INPP4B: variants seen among roughly 807,000 people sequenced by gnomAD.
The protein encoded by INPP4B is inositol polyphosphate 4-phosphatase type II.
Under a neutral mutation model 122.5 loss-of-function variants are expected in INPP4B, and 55 were observed. That is an observed-to-expected ratio of 0.45 (90% CI 0.36 to 0.56). The LOEUF is 0.56. Among genes scored for constraint, INPP4B ranks in the 20% least tolerant of loss-of-function variants. INPP4B has a pLI of 0.00. For synonymous variants in INPP4B, 403 were observed against 388.7 expected, an observed-to-expected ratio of 1.04 and a Z score of -0.43; for missense variants, 1,000 against 1,097.7, an observed-to-expected ratio of 0.91 and a Z score of 1.26.
At chr4:142,433,200 C>G (rs1350876644) in intron 3 of INPP4B, among the ~76,000 whole-genome samples, 1 of 152,134 alleles carries the variant, frequency 6.6e-6, no homozygotes, top group Non-Finnish European at 1.5e-5. Flanking sequence ...AAGAAAGTAA[C>G]TGCATTTTTA....
At chr4:142,613,706 G>A (rs1422323921) in intron 2 of INPP4B, among the ~76,000 whole-genome samples, 2 of 152,138 alleles carry the variant, frequency 1.3e-5, no homozygotes, top group Admixed American at 6.5e-5. Context: ...AATAACAAAT[G>A]GAGAATGTAA....
At chr4:142,362,903 G>C (rs1785989779) in intron 7 of INPP4B, among the ~76,000 whole-genome samples, 1 of 152,002 alleles carries the variant, frequency 6.6e-6, no homozygotes, top group Non-Finnish European at 1.5e-5. Flanking sequence ...CACTATTTGG[G>C]TGACGGAATC....
chr4:142,342,344 T>G (rs1778963450), intron 7 of INPP4B, among the ~76,000 whole-genome samples: 1 of 152,192 alleles, frequency 6.6e-6, no homozygotes, highest in Admixed American at 6.5e-5. Context: ...AATAGAGTAC[T>G]GGTTAACCAC....
intron 1 of INPP4B, among the ~76,000 whole-genome samples, chr4:142,815,727 T>C (rs1199271003): frequency 1.3e-5 from 2 of 152,178 alleles, no homozygotes; most frequent in Non-Finnish European, 1.5e-5. Flanking sequence ...TATAAGTATT[T>C]GCCTCATTCT....
intron 8 of INPP4B, among the ~76,000 whole-genome samples, chr4:142,308,155 T>C (rs1164831598): frequency 6.6e-6 from 1 of 152,184 alleles, no homozygotes; most frequent in Non-Finnish European, 1.5e-5. Context: ...TGTGAGTGCA[T>C]ACAGTGTGCC....
intron 17 of INPP4B, among the ~76,000 whole-genome samples, chr4:142,154,128 G>A (rs1004348493): frequency 1.3e-5 from 2 of 151,954 alleles, no homozygotes; most frequent in African/African-American, 4.8e-5. Context: ...CTTTCTGATG[G>A]TGAGAGTGAA....
intron 12 of INPP4B, 82 bp from the exon 13 acceptor site, chr4:142,209,108 T>C: frequency 2.1e-6 from 2 of 948,726 alleles, no homozygotes; most frequent in Non-Finnish European, 3.0e-6. Flanking sequence ...GTTGTCAAGA[T>C]AATAAGAAAT....
At chr4:142,518,016 A>C (rs1825626714) in intron 2 of INPP4B, among the ~76,000 whole-genome samples, 1 of 152,198 alleles carries the variant, frequency 6.6e-6, no homozygotes, top group Non-Finnish European at 1.5e-5. Context: ...AAGGTCTTAA[A>C]ATGTAGGAGC....
At chr4:142,462,018 C>T (rs1384970817) in intron 3 of INPP4B, among the ~76,000 whole-genome samples, 1 of 152,128 alleles carries the variant, frequency 6.6e-6, no homozygotes, top group Non-Finnish European at 1.5e-5. Context: ...TCTGTCTTCC[C>T]TTCTGTGACT....
At chr4:142,136,093 G>C (rs143295288) in intron 18 of INPP4B, among the ~76,000 whole-genome samples, 1 of 152,158 alleles carries the variant, frequency 6.6e-6, no homozygotes. Context: ...CACCGTGCCC[G>C]GAGGGTGCTT....
rs993052186 is a variant in INPP4B, at chr4:142,725,905, C to T, written c.-253-4G>A. On this transcript the variant is annotated splice_polypyrimidine_tract_variant and splice_region_variant and intron_variant, in intron 1 of 25. Coordinates refer to ENST00000262992, the MANE Select transcript of INPP4B (RefSeq NM_001101669.3). ...GGTAACACCATTTCTTTGTATTCTACGGGAAAAGAGAAAGAAGATTAATAA... is the reference window on the plus strand; with the variant it reads ...GGTAACACCATTTCTTTGTATTCTATGGGAAAAGAGAAAGAAGATTAATAA... 2.0e-5 allele frequency: 8 copies of T among 397,712 alleles called. No individual in the cohort carries two copies. Among genetic ancestry groups the T allele is most frequent in the South Asian group, 1.3e-4 (1 of 7,848 alleles). 24.6% of individuals were successfully genotyped at this position (397,712 alleles called of 1,614,324 possible).
At chr4:142,409,053 G>A (rs900356868) in intron 5 of INPP4B, among the ~76,000 whole-genome samples, 1 of 152,132 alleles carries the variant, frequency 6.6e-6, no homozygotes. Context: ...CTTTTGCTAT[G>A]GTAACTAGTA....
At chr4:142,554,200 A>AAAAG (rs35111359) in intron 2 of INPP4B, among the ~76,000 whole-genome samples, 28,176 of 136,470 alleles carry the variant, frequency 0.21, 3,980 homozygotes, top group East Asian at 0.74. Context: ...AAAAAAAAAA[A>AAAAG]AAAAAGAAAA....
intron 25 of INPP4B, among the ~76,000 whole-genome samples, chr4:142,058,026 G>A (rs562691578): frequency 7.2e-5 from 11 of 152,030 alleles, no homozygotes; most frequent in East Asian, 5.8e-4. Context: ...CTACTATACC[G>A]GAGTTAGCTT....
At chr4:142,615,557 C>T (rs1172947179) in intron 2 of INPP4B, among the ~76,000 whole-genome samples, 2 of 152,076 alleles carry the variant, frequency 1.3e-5, no homozygotes, top group African/African-American at 4.8e-5. Context: ...GCCTTAGGTC[C>T]TATTTGTGAT....
intron 1 of INPP4B, among the ~76,000 whole-genome samples, chr4:142,785,206 C>A (rs1485813791): frequency 1.3e-5 from 2 of 152,068 alleles, no homozygotes; most frequent in African/African-American, 2.4e-5. Context: ...TTAAACACAG[C>A]TAAGTTCCTT....
intron 1 of INPP4B, among the ~76,000 whole-genome samples, chr4:142,735,874 T>C (rs1447864364): frequency 6.6e-6 from 1 of 151,774 alleles, no homozygotes; most frequent in Non-Finnish European, 1.5e-5. Context: ...AAAGTAATTA[T>C]TATCGCCTAG....
At chr4:142,368,987 G>A (rs1788669115) in intron 7 of INPP4B, among the ~76,000 whole-genome samples, 2 of 152,046 alleles carry the variant, frequency 1.3e-5, no homozygotes, top group East Asian at 1.9e-4. Context: ...CTCTACACAT[G>A]ATGGTAAGAG....
chr4:142,077,842 A>C (rs950668975), intron 25 of INPP4B, among the ~76,000 whole-genome samples: 1 of 152,034 alleles, frequency 6.6e-6, no homozygotes, highest in Non-Finnish European at 1.5e-5. Context: ...ATGTCATTAA[A>C]ATCAATTACG....
Sources: gnomAD v4.1 joint callset for allele counts (sites outside exome capture counted in the v4.1 genomes callset) on GRCh38, gnomAD v4.1.1 for gene constraint, MANE v1.5 for transcripts, NCBI Gene and HGNC (gene_info 2026-07-23, HGNC 2026-07-21) for gene names.